The following GSG1L variants were observed in gnomAD, a reference collection of about 807,000 sequenced individuals.
The protein encoded by GSG1L is GSG1 like.
In GSG1L, 24 loss-of-function variants were observed where a neutral mutation model predicts 42.1. The ratio of observed to expected loss-of-function variants is 0.57; its 90% confidence interval spans 0.41 to 0.80. The LOEUF is 0.80. GSG1L is among the 30% of genes least tolerant of loss of function. GSG1L has a pLI of 0.00. For missense variants in GSG1L, 445 were observed against 472.2 expected (o/e 0.94, Z 0.53); for synonymous variants, 215 against 203.5 (o/e 1.06, Z -0.48).
At chr16:27,849,560 CAG>C (rs2083484017) in intron 3 of GSG1L, among the ~76,000 whole-genome samples, 1 of 152,114 alleles carries the variant, frequency 6.6e-6, no homozygotes, top group African/African-American at 2.4e-5. Flanking sequence ...TGTTTTGAGA[CAG>C]AGTCTCACTC....
chr16:27,843,462 G>A (rs1441173748), intron 4 of GSG1L, among the ~76,000 whole-genome samples: 1 of 143,404 alleles, frequency 7.0e-6, no homozygotes, highest in Non-Finnish European at 1.5e-5. Context: ...TTTTAAGATG[G>A]AAGTCTGGCA....
At chr16:28,028,088 C>T (rs2085920221) in intron 1 of GSG1L, among the ~76,000 whole-genome samples, 1 of 152,166 alleles carries the variant, frequency 6.6e-6, no homozygotes, top group Admixed American at 6.5e-5. Flanking sequence ...TTTCGTGAGT[C>T]TTTCCTAAGC....
intron 3 of GSG1L, among the ~76,000 whole-genome samples, chr16:27,856,157 AC>A (rs148185745): frequency 0.12 from 17,197 of 148,446 alleles, 1,035 homozygotes; most frequent in African/African-American, 0.17. Flanking sequence ...AGGAATGTGC[AC>A]CCCCCCCCAT....
At chr16:27,943,040 T>C (rs1417194311) in intron 2 of GSG1L, among the ~76,000 whole-genome samples, 1 of 151,820 alleles carries the variant, frequency 6.6e-6, no homozygotes, top group Non-Finnish European at 1.5e-5. Flanking sequence ...ATTTGCAGAG[T>C]GGTTTTGTTT....
chr16:27,895,163 A>C (rs2084176385), intron 2 of GSG1L, among the ~76,000 whole-genome samples: 1 of 152,196 alleles, frequency 6.6e-6, no homozygotes, highest in Non-Finnish European at 1.5e-5. Context: ...GTATTTTAAA[A>C]ATATCTGAAT....
At chr16:27,801,611 A>G (rs2082883052) in intron 6 of GSG1L, among the ~76,000 whole-genome samples, 1 of 152,160 alleles carries the variant, frequency 6.6e-6, no homozygotes, top group Non-Finnish European at 1.5e-5. Flanking sequence ...CATCATTTCC[A>G]TACTCATTTG....
intron 3 of GSG1L, among the ~76,000 whole-genome samples, chr16:27,846,770 C>T (rs58323259): frequency 0.018 from 2,703 of 151,982 alleles, 99 homozygotes; most frequent in African/African-American, 0.062. Context: ...CTGGCTAATA[C>T]GGTGAAACCC....
intron 5 of GSG1L, among the ~76,000 whole-genome samples, chr16:27,814,444 TG>T (rs1307252663): frequency 6.6e-6 from 1 of 152,182 alleles, no homozygotes; most frequent in Non-Finnish European, 1.5e-5. Context: ...GAGAGAAGGA[TG>T]GGGTTTCTCT....
chr16:27,887,468 G>T (rs893264016), intron 2 of GSG1L, among the ~76,000 whole-genome samples: 1 of 152,162 alleles, frequency 6.6e-6, no homozygotes, highest in African/African-American at 2.4e-5. Context: ...TTTCAATCAC[G>T]TGAACCAATT....
chr16:27,869,544 C>A (rs1325381269), intron 3 of GSG1L, among the ~76,000 whole-genome samples: 1 of 136,922 alleles, frequency 7.3e-6, no homozygotes, highest in Non-Finnish European at 1.5e-5. Context: ...CTCTCTCTGT[C>A]TCCCTTCATC....
intron 1 of GSG1L, among the ~76,000 whole-genome samples, chr16:27,993,194 G>A (rs1287069807): frequency 3.3e-5 from 5 of 152,046 alleles, no homozygotes; most frequent in African/African-American, 1.2e-4. Flanking sequence ...TGTCACCCAG[G>A]CTGGAGTGCA....
At chr16:28,035,456 C>G (rs1276880331) in intron 1 of GSG1L, among the ~76,000 whole-genome samples, 5 of 152,162 alleles carry the variant, frequency 3.3e-5, no homozygotes, top group African/African-American at 1.2e-4. Context: ...TTACTATTTA[C>G]CATCTACTCA....
chr16:27,931,956 T>C (rs947748633), intron 2 of GSG1L, among the ~76,000 whole-genome samples: 1 of 152,222 alleles, frequency 6.6e-6, no homozygotes, highest in Non-Finnish European at 1.5e-5. Flanking sequence ...TGAGATCAAC[T>C]GCATTACTGT....
At chr16:28,001,780 G>T (rs1453162309) in intron 1 of GSG1L, among the ~76,000 whole-genome samples, 1 of 152,188 alleles carries the variant, frequency 6.6e-6, no homozygotes, top group Non-Finnish European at 1.5e-5. Context: ...CAGCCCAGAA[G>T]GGGGCCCAAG....
intron 1 of GSG1L, among the ~76,000 whole-genome samples, chr16:27,977,522 T>C (rs1187799949): frequency 1.6e-5 from 2 of 124,618 alleles, no homozygotes; most frequent in Non-Finnish European, 3.1e-5. Flanking sequence ...ATCGTGCCAC[T>C]GCACTCCAGC....
Position 28,001,848 on chromosome 16 carries a change from C to T in GSG1L, c.350-38645G>A, listed in dbSNP as rs551447220. On this transcript the variant is annotated intron_variant, in intron 1 of 6. Transcript: ENST00000447459. ...ACGATCACCACTCCGTGCAGCCTGGCAGCCTGGTCTCCACCCGCTGCTTGG... is the reference window on the plus strand; with the variant it reads ...ACGATCACCACTCCGTGCAGCCTGGTAGCCTGGTCTCCACCCGCTGCTTGG... Among the ~76,000 whole-genome samples the T allele has an allele frequency of 4.6e-5, 7 of 152,336 alleles. No homozygotes were observed. In the South Asian group the frequency reaches 1.5e-3, roughly 32 times the overall value.
intron 2 of GSG1L, among the ~76,000 whole-genome samples, chr16:27,950,517 A>G (rs576430692): frequency 6.6e-6 from 1 of 152,300 alleles, no homozygotes; most frequent in East Asian, 1.9e-4. Context: ...AAGTGGCAGA[A>G]CCAGCACTTC....
intron 3 of GSG1L, among the ~76,000 whole-genome samples, chr16:27,848,624 A>G (rs1378871411): frequency 1.3e-5 from 2 of 152,136 alleles, no homozygotes; most frequent in African/African-American, 4.8e-5. Flanking sequence ...CAGCCAGACA[A>G]TTAGCATATA....
chr16:27,791,460 C>T lies in GSG1L; in HGVS notation c.906G>A (p.Gln302=), dbSNP rs761911004. 2 of 1,486,870 alleles carry T rather than the reference C, an allele frequency of 1.3e-6. No individual in the cohort carries two copies. The highest frequency in any genetic ancestry group is 2.8e-5 in the African/African-American group (2 of 70,380). 92.1% of individuals were successfully genotyped at this position (1,486,870 alleles called of 1,614,324 possible). A position where few individuals can be genotyped will look rare whatever the true frequency, so the allele number is the denominator to read the frequency against. Residue 302 remains glutamine (Q), a synonymous_variant, in exon 7 of 7, where the codon CAG becomes CAA. Transcript: ENST00000447459. ...GGGGCCAGGAATCCGCCATGTGTGGCTGGTGTCCTGCCAGGAGACAAGGCG... is the reference window on the plus strand; with the variant it reads ...GGGGCCAGGAATCCGCCATGTGTGGTTGGTGTCCTGCCAGGAGACAAGGCG... ...CRHERYPARH[Q]PHMADSWPRS... is the part of the protein sequence containing the mutation.
Sources: allele counts gnomAD v4.1 joint callset (sites outside exome capture counted in the v4.1 genomes callset), GRCh38; gene constraint gnomAD v4.1.1; transcripts MANE v1.5; gene names NCBI Gene and HGNC (gene_info 2026-07-23, HGNC 2026-07-21).